Variants in TRAPPC10 observed in about 807,000 individuals in gnomAD.
TRAPPC10 encodes trafficking protein particle complex subunit 10.
TRAPPC10 carries 23 observed loss-of-function variants against 125.5 expected under a neutral mutation model. The ratio of observed to expected loss-of-function variants is 0.18; its 90% CI spans 0.13 to 0.26. The LOEUF (loss-of-function observed/expected upper bound fraction) is 0.26, where lower values mean the gene tolerates loss of function less well. Among genes scored for constraint, TRAPPC10 ranks in the 10% least tolerant of loss-of-function variants. The pLI is 1.00. For missense variants in TRAPPC10, 1,123 were observed against 1,308.4 expected, an observed-to-expected ratio of 0.86 and a Z score of 2.19; for synonymous variants, 509 against 518.0, an observed-to-expected ratio of 0.98 and a Z score of 0.24.
At chr21:44,038,527 C>T (rs2034166294) in intron 3 of TRAPPC10, among the ~76,000 whole-genome samples, 1 of 151,962 alleles carries the variant, frequency 6.6e-6, no homozygotes, top group Non-Finnish European at 1.5e-5. Context: ...AACGAGTGGG[C>T]CTCAGCCCTG....
intron 3 of TRAPPC10, among the ~76,000 whole-genome samples, chr21:44,038,680 AAGCAAGATTTAGC>A (rs557875423): frequency 1.3e-3 from 198 of 152,308 alleles, no homozygotes; most frequent in African/African-American, 4.5e-3. Flanking sequence ...GAGTCAAATA[AAGCAAGATTTAGC>A]AGCATAGAAA....
chr21:44,072,680 T>C (rs528005121), intron 7 of TRAPPC10, among the ~76,000 whole-genome samples: 5 of 152,168 alleles, frequency 3.3e-5, no homozygotes, highest in African/African-American at 1.2e-4. Flanking sequence ...GTCAGGCTGG[T>C]CTCAAACTCC....
At position 44,045,748 on chromosome 21, in the gene TRAPPC10, G is replaced by A. The variant is rs191017044; in HGVS notation, c.286-6532G>A. On this transcript the variant is annotated intron_variant, in intron 3 of 22. Transcript: ENST00000291574. ...TTTTGTATTTTTAGTAGTAGAGACG[G>A]GGTTTAACCGTGTTGGCCAGGCTAG... Among the ~76,000 whole-genome samples the A allele has an allele frequency of 5.0e-3, 755 of 151,968 alleles. 6 individuals carry two copies. Among genetic ancestry groups the A allele is most frequent in the African/African-American group, 0.017 (709 of 41,454 alleles).
At chr21:44,070,970 A>G (rs757460760) in intron 7 of TRAPPC10, among the ~76,000 whole-genome samples, 21 of 152,234 alleles carry the variant, frequency 1.4e-4, no homozygotes, top group Non-Finnish European at 2.9e-4. Flanking sequence ...GTAGCCAAAC[A>G]CTGGAAACAA....
At chr21:44,048,201 A>G (rs370876281) in intron 3 of TRAPPC10, among the ~76,000 whole-genome samples, 5 of 152,208 alleles carry the variant, frequency 3.3e-5, no homozygotes, top group East Asian at 3.9e-4. Context: ...GTGCCGGTCT[A>G]CTTTACTCAC....
chr21:44,043,688 TG>T (rs1173199205), intron 3 of TRAPPC10, among the ~76,000 whole-genome samples: 1 of 152,220 alleles, frequency 6.6e-6, no homozygotes, highest in East Asian at 1.9e-4. Context: ...GTTGAAAGGC[TG>T]GGCCTGTGTT....
At chr21:44,093,039 C>T (rs2038694336) in intron 19 of TRAPPC10, among the ~76,000 whole-genome samples, 1 of 152,210 alleles carries the variant, frequency 6.6e-6, no homozygotes, top group Non-Finnish European at 1.5e-5. Context: ...TCAGGTGAAC[C>T]ACCCACCTTG....
At chr21:44,044,293 C>A (rs202043268) in intron 3 of TRAPPC10, among the ~76,000 whole-genome samples, 6 of 128,168 alleles carry the variant, frequency 4.7e-5, no homozygotes, top group Non-Finnish European at 1.0e-4. Flanking sequence ...AGACTTTTTT[C>A]CTTAAAATTA....
At chr21:44,052,959 C>T (rs182893941) in intron 4 of TRAPPC10, among the ~76,000 whole-genome samples, 1 of 152,254 alleles carries the variant, frequency 6.6e-6, no homozygotes, top group African/African-American at 2.4e-5. Context: ...CTTTCTCCGC[C>T]TTGCCCTGCT....
At chr21:44,020,348 G>A (rs988657763) in intron 1 of TRAPPC10, among the ~76,000 whole-genome samples, 1 of 151,928 alleles carries the variant, frequency 6.6e-6, no homozygotes, top group African/African-American at 2.4e-5. Flanking sequence ...GGATGGTCTC[G>A]ATCTCCTGAC....
chr21:44,040,770 CTT>C (rs57750878), intron 3 of TRAPPC10, among the ~76,000 whole-genome samples: 88 of 135,232 alleles, frequency 6.5e-4, no homozygotes, highest in Admixed American at 8.8e-4. Context: ...CCACGCCTGC[CTT>C]TTTTTTTTTT....
chr21:44,079,830 T>TA, intron 12 of TRAPPC10, 126 bp downstream of exon 12: 1 of 1,122,980 alleles, frequency 8.9e-7, no homozygotes, highest in Non-Finnish European at 1.3e-6. Context: ...TACATATGTA[T>TA]TGTATAGAAA....
intron 1 of TRAPPC10, among the ~76,000 whole-genome samples, chr21:44,027,306 T>G (rs878984014): frequency 6.6e-6 from 1 of 152,150 alleles, no homozygotes; most frequent in Admixed American, 6.5e-5. Context: ...TCTCTCAGGG[T>G]TATAATTTTG....
Position 44,065,133 on chromosome 21 carries a change from T to G in TRAPPC10, c.1038+1348T>G, listed in dbSNP as rs189717546. Among the ~76,000 whole-genome samples the G allele has an allele frequency of 1.5e-3, 230 of 152,308 alleles. 2 individuals carry two copies. The highest frequency in any genetic ancestry group is 2.6e-4 in the Non-Finnish European group (18 of 68,020). On this transcript the variant is annotated intron_variant, in intron 7 of 22. Transcript: ENST00000291574. The stretch of plus-strand genomic sequence containing the variant: ...AATTGAAGTATTCAAGTCCAAATGA[T>G]TCAGACATGATGTCTTCTGAGTGAG...
chr21:44,062,748 A>T (rs980019846), intron 6 of TRAPPC10: 1 of 985,238 alleles, frequency 1.0e-6, no homozygotes, highest in Non-Finnish European at 1.2e-6. Flanking sequence ...CCACACCACT[A>T]TGCGCTCCCC....
chr21:44,059,024 G>T lies in TRAPPC10; in HGVS notation c.679-79G>T. The T allele has an allele frequency of 9.2e-7, 1 of 1,091,732 alleles. No individual in the cohort carries two copies. Among genetic ancestry groups the T allele is most frequent in the Non-Finnish European group, 1.2e-6 (1 of 804,774 alleles). 67.6% of individuals were successfully genotyped at this position (1,091,732 alleles called of 1,614,324 possible). ...ATAGTGCTGCGTGCCTTTCTCTGTC[G>T]TTTAATGGCTACATACTGTTTCTTC... On this transcript the variant is annotated intron_variant, in intron 5 of 22. Coordinates refer to ENST00000291574, the MANE Select transcript of TRAPPC10 (RefSeq NM_003274.5). The surrounding 1 kb of genome is among the most constrained non-coding windows in gnomAD (Gnocchi z 4.4).
At chr21:44,076,683 C>T in intron 10 of TRAPPC10, 55 bp downstream of exon 10, 1 of 1,468,450 alleles carries the variant, frequency 6.8e-7, no homozygotes, top group South Asian at 1.1e-5. Flanking sequence ...CTCTAGAAGG[C>T]TTTGCTACAT....
intron 9 of TRAPPC10, among the ~76,000 whole-genome samples, chr21:44,075,685 T>C (rs938312485): frequency 6.6e-6 from 1 of 152,190 alleles, no homozygotes; most frequent in Non-Finnish European, 1.5e-5. Context: ...GGAGTCTCGC[T>C]GTATTGCCCA....
At chr21:44,047,312 C>G (rs1016800011) in intron 3 of TRAPPC10, among the ~76,000 whole-genome samples, 4 of 152,112 alleles carry the variant, frequency 2.6e-5, no homozygotes, top group African/African-American at 9.7e-5. Context: ...CTTCATGTAG[C>G]TTGAAGTATA....
Sources: gnomAD v4.1 joint callset for allele counts (sites outside exome capture counted in the v4.1 genomes callset) on GRCh38, gnomAD v4.1.1 for gene constraint, Gnocchi (gnomAD v3.1) non-coding constraint, MANE v1.5 for transcripts, NCBI Gene and HGNC (gene_info 2026-07-23, HGNC 2026-07-21) for gene names.